Variants in PCDH9 observed in about 807,000 individuals in gnomAD.
The protein encoded by PCDH9 is protocadherin 9, also known as protocadherin-9.
Under a neutral mutation model 70.6 loss-of-function variants are expected in PCDH9, and 24 were observed. The observed-to-expected ratio is 0.34, with a 90% CI of 0.25 to 0.48. PCDH9 has a LOEUF of 0.48. PCDH9 is among the 20% of genes least tolerant of loss of function. PCDH9 has a pLI of 0.99. For synonymous variants in PCDH9, 562 were observed against 558.5 expected (o/e 1.01, Z -0.09); for missense variants, 1,281 against 1,503.6 (o/e 0.85, Z 2.45).
chr13:66,854,537 T>C (rs983136964), intron 3 of PCDH9, among the ~76,000 whole-genome samples: 1 of 152,310 alleles, frequency 6.6e-6, no homozygotes, highest in Admixed American at 6.5e-5. Context: ...CGGATGCACA[T>C]GTTCCCAGCT....
intron 4 of PCDH9, among the ~76,000 whole-genome samples, chr13:66,504,317 T>C (rs1474787788): frequency 6.6e-6 from 1 of 152,264 alleles, no homozygotes; most frequent in Non-Finnish European, 1.5e-5. Flanking sequence ...CTTATAATTA[T>C]TTATTCAATC....
At chr13:66,576,679 C>T (rs7992460) in intron 4 of PCDH9, among the ~76,000 whole-genome samples, 5,757 of 152,062 alleles carry the variant, frequency 0.038, 304 homozygotes, top group African/African-American at 0.12. Flanking sequence ...GGAGCATTCT[C>T]ATGGGGAAAA....
intron 3 of PCDH9, among the ~76,000 whole-genome samples, chr13:66,759,363 A>AGT (rs1211119201): frequency 6.6e-6 from 1 of 151,838 alleles, no homozygotes; most frequent in African/African-American, 2.4e-5. Flanking sequence ...CTTGACTTTC[A>AGT]GTGTGTGTAC....
intron 3 of PCDH9, among the ~76,000 whole-genome samples, chr13:66,783,336 G>A (rs1043836541): frequency 2.6e-5 from 4 of 151,944 alleles, no homozygotes; most frequent in Non-Finnish European, 4.4e-5. Context: ...CTCTGCCATA[G>A]CTCAAAAGTG....
At chr13:66,746,503 G>C (rs1017191001) in intron 3 of PCDH9, among the ~76,000 whole-genome samples, 13 of 152,042 alleles carry the variant, frequency 8.6e-5, no homozygotes, top group African/African-American at 3.1e-4. Context: ...ACAATAAAGA[G>C]AGAAAGAAAG....
At chr13:66,905,432 T>C (rs2082345033) in intron 2 of PCDH9, among the ~76,000 whole-genome samples, 1 of 152,164 alleles carries the variant, frequency 6.6e-6, no homozygotes, top group Non-Finnish European at 1.5e-5. Flanking sequence ...AAAATGTCAA[T>C]GACTGAGTCC....
At chr13:66,845,293 G>C (rs940788929) in intron 3 of PCDH9, among the ~76,000 whole-genome samples, 1 of 152,206 alleles carries the variant, frequency 6.6e-6, no homozygotes, top group Non-Finnish European at 1.5e-5. Context: ...GGTGCCCAAA[G>C]TCCAGAGGGG....
chr13:66,764,540 G>C (rs2079680334), intron 3 of PCDH9, among the ~76,000 whole-genome samples: 2 of 151,988 alleles, frequency 1.3e-5, no homozygotes, highest in African/African-American at 4.8e-5. Flanking sequence ...GAAAATGACA[G>C]GAATTCTCAG....
intron 3 of PCDH9, among the ~76,000 whole-genome samples, chr13:66,883,164 A>G (rs2081949257): frequency 1.3e-5 from 2 of 152,120 alleles, no homozygotes; most frequent in Admixed American, 6.6e-5. Flanking sequence ...CCCTTTATAT[A>G]TATCTACATC....
chr13:66,805,602 C>T (rs529162792), intron 3 of PCDH9, among the ~76,000 whole-genome samples: 16 of 152,128 alleles, frequency 1.1e-4, no homozygotes, highest in African/African-American at 3.6e-4. Flanking sequence ...ACAAAGACAC[C>T]CAACCAGGTA....
At chr13:66,418,771 AG>A (rs1424508623) in intron 4 of PCDH9, among the ~76,000 whole-genome samples, 2 of 152,232 alleles carry the variant, frequency 1.3e-5, no homozygotes, top group East Asian at 3.8e-4. Flanking sequence ...AGACACAAAA[AG>A]ACCTTCAAAA....
At chr13:66,409,501 G>A (rs189034110) in intron 4 of PCDH9, among the ~76,000 whole-genome samples, 6 of 152,194 alleles carry the variant, frequency 3.9e-5, no homozygotes, top group African/African-American at 1.4e-4. Flanking sequence ...AATGCTATAA[G>A]GTGTGTGGTA....
intron 3 of PCDH9, among the ~76,000 whole-genome samples, chr13:66,899,789 T>C (rs2139589904): frequency 6.6e-6 from 1 of 152,096 alleles, no homozygotes; most frequent in Admixed American, 6.6e-5. Flanking sequence ...ATTTTAATCA[T>C]TGCAATGTTT....
intron 4 of PCDH9, among the ~76,000 whole-genome samples, chr13:66,509,788 T>A (rs974463236): frequency 2.6e-5 from 4 of 152,182 alleles, no homozygotes; most frequent in African/African-American, 9.7e-5. Flanking sequence ...CTTGGCTGTC[T>A]AATTTTTTCT....
In PCDH9 at chr13:66,617,837, C is replaced by T. The variant is rs146117830; in HGVS notation, c.3340+13373G>A. 4.3e-3 allele frequency among the ~76,000 whole-genome samples: 650 copies of T among 152,178 alleles called. 20 individuals carry two copies. In the East Asian group the frequency reaches 0.081, roughly 19 times the overall value. ...CATCTGCCGGGAACCCTTAGATAAG[C>T]CCCTGAGGGACCTCAGACTGCCGTT... On this transcript the variant is annotated intron_variant, in intron 4 of 4. Coordinates refer to ENST00000377865, the MANE Select transcript of PCDH9 (RefSeq NM_203487.3).
intron 3 of PCDH9, among the ~76,000 whole-genome samples, chr13:66,891,939 C>G (rs532230109): frequency 6.6e-6 from 1 of 151,778 alleles, no homozygotes; most frequent in South Asian, 2.1e-4. Context: ...CCTTCTGTAG[C>G]TAGAAAACAG....
chr13:67,069,808 A>G (rs1217216814), intron 2 of PCDH9, among the ~76,000 whole-genome samples: 1 of 152,144 alleles, frequency 6.6e-6, no homozygotes, highest in African/African-American at 2.4e-5. Context: ...ATTGATAAAG[A>G]ATTTTTGGTA....
At chr13:66,845,737 G>A (rs372278883) in intron 3 of PCDH9, among the ~76,000 whole-genome samples, 2 of 152,144 alleles carry the variant, frequency 1.3e-5, no homozygotes, top group Non-Finnish European at 2.9e-5. Flanking sequence ...CATATGGGCC[G>A]CCACTGCCAT....
At chr13:66,635,158 C>T (rs953480755) in intron 3 of PCDH9, among the ~76,000 whole-genome samples, 19 of 152,148 alleles carry the variant, frequency 1.2e-4, no homozygotes, top group African/African-American at 3.9e-4. Context: ...AGTGAGACTC[C>T]TTCAGCCTCT....
Sources: gnomAD v4.1 joint callset for allele counts (sites outside exome capture counted in the v4.1 genomes callset) on GRCh38, gnomAD v4.1.1 for gene constraint, MANE v1.5 for transcripts, NCBI Gene and HGNC (gene_info 2026-07-23, HGNC 2026-07-21) for gene names.